The following SNRNP70 variants were observed in gnomAD, a reference collection of about 807,000 sequenced individuals.
SNRNP70 encodes small nuclear ribonucleoprotein U1 subunit 70, also known as U1 small nuclear ribonucleoprotein 70 kDa.
Under a neutral mutation model 50.5 loss-of-function variants are expected in SNRNP70, and 8 were observed. The observed-to-expected ratio is 0.16, with a 90% confidence interval of 0.09 to 0.29. The LOEUF is 0.29. Ranked by LOEUF, SNRNP70 falls within the 10% of genes least tolerant of loss-of-function variation. The pLI is 1.00. For synonymous variants in SNRNP70, 320 were observed against 252.9 expected (o/e 1.27, Z -2.52); for missense variants, 529 against 663.5 (o/e 0.80, Z 2.23).
chr19:49,100,667 G>C (rs2040571380), intron 6 of SNRNP70, among the ~76,000 whole-genome samples: 1 of 152,050 alleles, frequency 6.6e-6, no homozygotes, highest in African/African-American at 2.4e-5. Flanking sequence ...TTACCCAGGT[G>C]TGGTGGCGCA....
rs1377736298 is a variant in SNRNP70, at chr19:49,086,516, C to T, written c.102C>T (p.His34=). Residue 34 remains histidine, a synonymous_variant, in exon 2 of 10, where the codon CAC becomes CAT. Transcript: ENST00000598441. ...PLEKLPHEKH[H]NQPYCGIAPY... ...AGAAACTGCCACATGAAAAACACCA[C>T]AATCAACCTTATTGTGGCATTGCGC... 1 of 1,614,100 alleles carries T rather than the reference C, an allele frequency of 6.2e-7. No homozygotes were observed. The highest frequency in any genetic ancestry group is 1.7e-5 in the Admixed American group (1 of 59,994).
At chr19:49,090,562 C>T (rs1268320088) in intron 4 of SNRNP70, 42 bp downstream of exon 4, 4 of 1,585,416 alleles carry the variant, frequency 2.5e-6, no homozygotes, top group Non-Finnish European at 3.5e-6. Flanking sequence ...CTCTCCCAAA[C>T]CCTCTGTATT....
At chr19:49,096,598 T>G (rs2040517040) in intron 4 of SNRNP70, among the ~76,000 whole-genome samples, 1 of 150,012 alleles carries the variant, frequency 6.7e-6, no homozygotes. Flanking sequence ...AAACCCCGTC[T>G]CTACTAAAAA....
At chr19:49,091,301 G>A (rs1050019134) in intron 4 of SNRNP70, among the ~76,000 whole-genome samples, 3 of 151,782 alleles carry the variant, frequency 2.0e-5, no homozygotes, top group Non-Finnish European at 4.4e-5. Flanking sequence ...CCCAGAAGGC[G>A]GAGGTTGCAG....
At chr19:49,096,504 G>A (rs150846002) in intron 4 of SNRNP70, among the ~76,000 whole-genome samples, 9 of 152,190 alleles carry the variant, frequency 5.9e-5, no homozygotes, top group African/African-American at 1.2e-4. Flanking sequence ...GGTGGCTCAC[G>A]CCTGTAATGC....
intron 7 of SNRNP70, chr19:49,102,698 G>A (rs951963980): frequency 1.3e-5 from 2 of 157,342 alleles, no homozygotes; most frequent in Non-Finnish European, 2.8e-5. Flanking sequence ...GCTCTCCAGA[G>A]GTGGTCAGGA....
Position 49,108,598 on chromosome 19 carries a change from C to T in SNRNP70, c.*155C>T, listed in dbSNP as rs534653565. 303 of 1,022,922 alleles carry T rather than the reference C, an allele frequency of 3.0e-4. 2 individuals carry two copies. The African/African-American group carries it at 4.1e-3, about 14-fold the overall frequency. The allele number at this position is 1,022,922 out of a possible 1,614,324, so 63.4% of individuals were successfully genotyped here. A position where few individuals can be genotyped will look rare whatever the true frequency, so the allele number is the denominator to read the frequency against. On this transcript the variant is annotated 3_prime_UTR_variant, in exon 10 of 10. Coordinates refer to ENST00000598441, the MANE Select transcript of SNRNP70 (RefSeq NM_003089.6). ...TGGATTTAAAAATAAAATTAATTTC[C>T]TGTTGATAGTGGGCACCTCGGTTTC...
At chr19:49,098,790 C>T in intron 6 of SNRNP70, 86 bp downstream of exon 6, 6 of 1,055,440 alleles carry the variant, frequency 5.7e-6, no homozygotes, top group South Asian at 5.0e-5. Context: ...GGTCCCAGCC[C>T]TGAGCATGGC....
At chr19:49,090,550 T>C in intron 4 of SNRNP70, 30 bp downstream of exon 4, 1 of 1,608,280 alleles carries the variant, frequency 6.2e-7, no homozygotes, top group South Asian at 1.1e-5. Flanking sequence ...TTTGGCTCTC[T>C]CCTCTCCCAA....
At chr19:49,085,929 C>T (rs868570934) in intron 1 of SNRNP70, among the ~76,000 whole-genome samples, 1 of 152,172 alleles carries the variant, frequency 6.6e-6, no homozygotes, top group African/African-American at 2.4e-5. Flanking sequence ...TTTGCGGGGT[C>T]CAGGTCTGTT....
At chr19:49,088,433 T>C (rs111454789) in intron 2 of SNRNP70, among the ~76,000 whole-genome samples, 13 of 151,312 alleles carry the variant, frequency 8.6e-5, no homozygotes, top group African/African-American at 2.9e-4. Context: ...TCTCCTGACC[T>C]TGTGATCTGC....
chr19:49,097,669 C>T (rs2040530362), intron 4 of SNRNP70, among the ~76,000 whole-genome samples: 1 of 152,206 alleles, frequency 6.6e-6, no homozygotes, highest in South Asian at 2.1e-4. Context: ...GTGCTGGAGC[C>T]ACCATATTTG....
intron 4 of SNRNP70, among the ~76,000 whole-genome samples, chr19:49,092,455 C>G (rs559002956): frequency 6.6e-6 from 1 of 150,976 alleles, no homozygotes; most frequent in Non-Finnish European, 1.5e-5. Flanking sequence ...CTCAATCAGG[C>G]TGGAGTGCAG....
At chr19:49,095,452 T>C (rs2040500934) in intron 4 of SNRNP70, among the ~76,000 whole-genome samples, 1 of 152,350 alleles carries the variant, frequency 6.6e-6, no homozygotes, top group Admixed American at 6.5e-5. Context: ...CACCCGTTTC[T>C]ATTCTCTGTC....
At chr19:49,087,063 C>A (rs2040390664) in intron 2 of SNRNP70, among the ~76,000 whole-genome samples, 1 of 151,174 alleles carries the variant, frequency 6.6e-6, no homozygotes, top group Non-Finnish European at 1.5e-5. Flanking sequence ...GCCTGTAATT[C>A]CAGCTACTTG....
At chr19:49,099,039 G>A (rs528054225) in intron 6 of SNRNP70, among the ~76,000 whole-genome samples, 6 of 152,312 alleles carry the variant, frequency 3.9e-5, no homozygotes, top group South Asian at 2.1e-4. Context: ...GTATACGGCC[G>A]TCCAAGCTGG....
Position 49,108,068 on chromosome 19 carries a change from T to C in SNRNP70, c.939T>C (p.Gly313=). ...RERKEELRGG[G]GDMAEPSEAG... The stretch of plus-strand genomic sequence containing the variant: ...GCAAGGAGGAGCTGCGTGGCGGCGG[T>C]GGCGACATGGCGGAGCCCTCCGAGG... The change falls in exon 10 of 10, where the codon GGT becomes GGC. Residue 313 remains glycine, a synonymous_variant. Transcript: ENST00000598441. 2 of 1,551,522 alleles carry C rather than the reference T, an allele frequency of 1.3e-6. No individual in the cohort carries two copies. The highest frequency in any genetic ancestry group is 1.2e-5 in the South Asian group (1 of 84,118).
Position 49,098,412 on chromosome 19 carries a change from T to C in SNRNP70, c.266-15T>C. ...GGACACCTTCAACTTATAAAATTCC[T>C]TTCTTCCTGCACAGGGGACCCTCAC... On this transcript the variant is annotated splice_polypyrimidine_tract_variant and intron_variant, in intron 4 of 9. Coordinates refer to ENST00000598441, the MANE Select transcript of SNRNP70 (RefSeq NM_003089.6). 1 of 1,605,214 alleles carries C rather than the reference T, an allele frequency of 6.2e-7. No homozygotes were observed. The highest frequency in any genetic ancestry group is 8.5e-7 in the Non-Finnish European group (1 of 1,175,236).
chr19:49,085,787 C>G (rs767578554), intron 1 of SNRNP70, among the ~76,000 whole-genome samples, 151 bp downstream of exon 1: 8 of 152,254 alleles, frequency 5.3e-5, no homozygotes, highest in Non-Finnish European at 1.0e-4. Flanking sequence ...ACCCCGAAAT[C>G]TCTGGGCACC....
Sources: gnomAD v4.1 joint callset for allele counts (sites outside exome capture counted in the v4.1 genomes callset) on GRCh38, gnomAD v4.1.1 for gene constraint, MANE v1.5 for transcripts, NCBI Gene and HGNC (gene_info 2026-07-23, HGNC 2026-07-21) for gene names.